The following ADRA1B variants were observed in gnomAD, a reference collection of about 807,000 sequenced individuals.
ADRA1B encodes the protein alpha-1B adrenergic receptor.
A neutral mutation model predicts 17.9 loss-of-function variants in ADRA1B; 17 were observed. The ratio of observed to expected loss-of-function variants is 0.95; its 90% CI spans 0.65 to 1.42. The LOEUF (loss-of-function observed/expected upper bound fraction) is 1.42, where lower values mean the gene tolerates loss of function less well. Ranked by LOEUF, ADRA1B falls within the 40% of genes most tolerant of loss-of-function variation. ADRA1B has a pLI of 0.00. For missense variants in ADRA1B, 681 were observed against 722.1 expected, an observed-to-expected ratio of 0.94 and a Z score of 0.65; for synonymous variants, 366 against 327.6, an observed-to-expected ratio of 1.12 and a Z score of -1.27.
chr5:159,960,783 C>T (rs1755652190), intron 1 of ADRA1B, among the ~76,000 whole-genome samples: 1 of 151,094 alleles, frequency 6.6e-6, no homozygotes, highest in South Asian at 2.1e-4. Flanking sequence ...CACTCAGGTG[C>T]TGCTTATCCA....
intron 1 of ADRA1B, among the ~76,000 whole-genome samples, chr5:159,877,824 T>C (rs1325751759): frequency 6.6e-6 from 1 of 152,220 alleles, no homozygotes; most frequent in African/African-American, 2.4e-5. Context: ...AGCTCAGATC[T>C]CTTTAGTTGA....
chr5:159,878,045 CT>C (rs1380988976), intron 1 of ADRA1B, among the ~76,000 whole-genome samples: 3 of 152,182 alleles, frequency 2.0e-5, no homozygotes, highest in Admixed American at 1.3e-4. Flanking sequence ...AGGTTCAGGT[CT>C]CTTCAGCTTG....
At chr5:159,915,256 A>G (rs951357258), upstream of ADRA1B, among the ~76,000 whole-genome samples, 1 of 152,146 alleles carries the variant, frequency 6.6e-6, no homozygotes, top group Non-Finnish European at 1.5e-5. Flanking sequence ...GCTCTCCTCC[A>G]TGCCTTTGTG....
At chr5:159,893,827 G>A (rs149732900) in intron 1 of ADRA1B, among the ~76,000 whole-genome samples, 6 of 152,290 alleles carry the variant, frequency 3.9e-5, no homozygotes, top group Non-Finnish European at 1.5e-5. Context: ...GAAGCAAGCG[G>A]AAACTTGCAA....
chr5:159,987,234 T>A, the ADRA1B span, among the ~76,000 whole-genome samples: 2 of 152,370 alleles, frequency 1.3e-5, no homozygotes, highest in East Asian at 3.9e-4. Flanking sequence ...CGTAAATATT[T>A]GCCTTCGGGT....
rs1027423844 is a variant in ADRA1B at position 159,972,834 on chromosome 5, T to TTG, written c.*351_*352dup. On this transcript the variant is annotated 3_prime_UTR_variant, in exon 2 of 2. Transcript: ENST00000306675. ...ACTGTGCGGTGTGCGTGTGTTCCGC[T>TTG]TGTGTGTGTGCGTGGGGCCGCCCTG... Among the ~76,000 whole-genome samples the TTG allele has an allele frequency of 6.6e-6, 1 of 152,112 alleles. No individual in the cohort carries two copies. The highest frequency in any genetic ancestry group is 1.5e-5 in the Non-Finnish European group (1 of 68,024).
intron 1 of ADRA1B, among the ~76,000 whole-genome samples, chr5:159,965,464 C>A (rs1275675576): frequency 2.0e-5 from 3 of 152,190 alleles, no homozygotes; most frequent in Non-Finnish European, 1.5e-5. Flanking sequence ...CTCCCCTCAC[C>A]CAGCAGCTTC....
chr5:159,987,545 C>A, the ADRA1B span, among the ~76,000 whole-genome samples: 1 of 152,256 alleles, frequency 6.6e-6, no homozygotes, highest in Non-Finnish European at 1.5e-5. Flanking sequence ...TGGACCCGCG[C>A]GCCACCCGCT....
intron 1 of ADRA1B, among the ~76,000 whole-genome samples, chr5:159,968,160 C>CA (rs982244096): frequency 6.6e-6 from 1 of 152,094 alleles, no homozygotes; most frequent in African/African-American, 2.4e-5. Context: ...GGACATATAG[C>CA]AAGTTAAATA....
At chr5:159,985,843 C>T in the ADRA1B span, among the ~76,000 whole-genome samples, 2 of 152,214 alleles carry the variant, frequency 1.3e-5, no homozygotes, top group Non-Finnish European at 2.9e-5. Context: ...TGGAACAAGG[C>T]ACTGTGGGAC....
chr5:159,901,311 C>A (rs562083597), intron 1 of ADRA1B, among the ~76,000 whole-genome samples: 65 of 150,364 alleles, frequency 4.3e-4, no homozygotes, highest in Non-Finnish European at 8.6e-4. Context: ...CACCCTTCAC[C>A]CTTTGCTCTT....
chr5:159,960,702 A>C (rs1204555870), intron 1 of ADRA1B, among the ~76,000 whole-genome samples: 7 of 140,736 alleles, frequency 5.0e-5, no homozygotes, highest in Non-Finnish European at 9.1e-5. Context: ...GAAAGACCCC[A>C]GCTCTTAAAA....
At chr5:159,930,436 A>T (rs868490138) in intron 1 of ADRA1B, among the ~76,000 whole-genome samples, 15 of 152,136 alleles carry the variant, frequency 9.9e-5, no homozygotes, top group Admixed American at 6.5e-4. Flanking sequence ...TCAAGACAAG[A>T]CTTCCAACAT....
chr5:159,890,443 C>T (rs1201787867), intron 1 of ADRA1B, among the ~76,000 whole-genome samples: 3 of 152,170 alleles, frequency 2.0e-5, no homozygotes, highest in Non-Finnish European at 4.4e-5. Context: ...TCATTTATTA[C>T]CTCTCATTGT....
chr5:159,892,393 T>C (rs1315853338), intron 1 of ADRA1B, among the ~76,000 whole-genome samples: 1 of 152,232 alleles, frequency 6.6e-6, no homozygotes, highest in Non-Finnish European at 1.5e-5. Context: ...TAGGTAAACA[T>C]GTGCCGTGGT....
chr5:159,966,937 G>A (rs1022868315), intron 1 of ADRA1B, among the ~76,000 whole-genome samples: 1 of 152,146 alleles, frequency 6.6e-6, no homozygotes, highest in Non-Finnish European at 1.5e-5. Context: ...CTTGTGGGGT[G>A]GGGAGAGAAG....
intron 1 of ADRA1B, among the ~76,000 whole-genome samples, chr5:159,865,758 C>A (rs1753645000): frequency 6.6e-6 from 1 of 152,152 alleles, no homozygotes; most frequent in South Asian, 2.1e-4. Flanking sequence ...ACCTATGGAT[C>A]AATTAAACTC....
chr5:159,895,598 A>C (rs1467928975), intron 1 of ADRA1B, among the ~76,000 whole-genome samples: 1 of 152,180 alleles, frequency 6.6e-6, no homozygotes, highest in Non-Finnish European at 1.5e-5. Flanking sequence ...GCAGCAAACC[A>C]CTATGGCAGA....
chr5:159,911,217 C>T (rs1279655656), intron 1 of ADRA1B, among the ~76,000 whole-genome samples: 1 of 152,172 alleles, frequency 6.6e-6, no homozygotes, highest in African/African-American at 2.4e-5. Flanking sequence ...CCATGGCCAG[C>T]AAGGGTCAGC....
Sources: allele counts gnomAD v4.1 joint callset (sites outside exome capture counted in the v4.1 genomes callset), GRCh38; gene constraint gnomAD v4.1.1; transcripts MANE v1.5; gene names NCBI Gene and HGNC (gene_info 2026-07-23, HGNC 2026-07-21).